SMURF1: variants seen among roughly 807,000 people sequenced by gnomAD.
SMURF1 encodes the protein E3 ubiquitin-protein ligase SMURF1.
In SMURF1, 44 loss-of-function variants were observed where a neutral mutation model predicts 98.0. That is an observed-to-expected ratio of 0.45 (90% CI 0.35 to 0.58). The LOEUF is 0.58. Ranked by LOEUF, SMURF1 falls within the 20% of genes least tolerant of loss-of-function variation. SMURF1 has a pLI of 0.00. For missense variants in SMURF1, 687 were observed against 938.4 expected, an observed-to-expected ratio of 0.73 and a Z score of 3.50; for synonymous variants, 396 against 374.9, an observed-to-expected ratio of 1.06 and a Z score of -0.65.
intron 1 of SMURF1, among the ~76,000 whole-genome samples, chr7:99,105,297 G>A (rs1054816068): frequency 1.4e-4 from 21 of 152,138 alleles, no homozygotes; most frequent in African/African-American, 5.1e-4. Flanking sequence ...GCACTTACGA[G>A]CTTGAGATGC....
At chr7:99,064,546 A>G (rs1312240130) in intron 1 of SMURF1, among the ~76,000 whole-genome samples, 2 of 152,170 alleles carry the variant, frequency 1.3e-5, no homozygotes, top group Admixed American at 6.5e-5. Context: ...CTCACTTTTC[A>G]TAAGTCTATT....
intron 1 of SMURF1, among the ~76,000 whole-genome samples, chr7:99,108,066 GT>G (rs764847415): frequency 5.9e-5 from 9 of 152,130 alleles, no homozygotes; most frequent in Non-Finnish European, 1.0e-4. Flanking sequence ...TCCCTTGAAA[GT>G]ATGCAAAAAC....
At position 99,047,790 on chromosome 7, in the gene SMURF1, T is replaced by C; in HGVS notation, c.1046A>G (p.Glu349Gly). 6.2e-7 allele frequency: 1 copy of C among 1,614,202 alleles called. No homozygotes were observed. The highest frequency in any genetic ancestry group is 8.5e-7 in the Non-Finnish European group (1 of 1,180,038). The change falls in exon 10 of 18, where the codon GAA becomes GGA. Residue 349 changes from glutamate to glycine, a missense_variant. By Grantham distance (98) the Glu-to-Gly change is moderately conservative. This residue lies in a region of SMURF1 where 415 missense variants were observed against 508.4 expected (regional missense o/e 0.82). Transcript: ENST00000361368. ...EDEELPAQRY[E>G]RDLVQKLKVL... Reference sequence around the variant, plus strand: ...TTTCAGCTTCTGGACTAGATCTCTTTCGTATCTCTGGGCAGGAAGCTCCTC... The same window carrying C: ...TTTCAGCTTCTGGACTAGATCTCTTCCGTATCTCTGGGCAGGAAGCTCCTC...
chr7:99,127,651 T>C (rs1354278398), intron 1 of SMURF1, among the ~76,000 whole-genome samples: 1 of 152,254 alleles, frequency 6.6e-6, no homozygotes, highest in African/African-American at 2.4e-5. Context: ...CATATGTATG[T>C]ATTATCTACT....
At chr7:99,089,694 T>C (rs957647135) in intron 1 of SMURF1, among the ~76,000 whole-genome samples, 3 of 152,198 alleles carry the variant, frequency 2.0e-5, no homozygotes, top group African/African-American at 7.2e-5. Flanking sequence ...TTAGTGGTTT[T>C]GTCTTCAAAA....
chr7:99,067,043 T>C (rs1796212308), intron 1 of SMURF1, among the ~76,000 whole-genome samples: 1 of 150,072 alleles, frequency 6.7e-6, no homozygotes, highest in Non-Finnish European at 1.5e-5. Flanking sequence ...TCACCCAGAC[T>C]GGAGTGCAGT....
chr7:99,042,201 G>A lies in SMURF1; in HGVS notation c.1288C>T (p.Leu430=), dbSNP rs1238873550. Residue 430 remains leucine, a synonymous_variant, in exon 12 of 18, where the codon CTG becomes TTG. Coordinates refer to ENST00000361368, the MANE Select transcript of SMURF1 (RefSeq NM_181349.3). ...EWLYLLCHEM[L]NPYYGLFQYS... ...TGGAAGAGCCCGTAATAAGGATTCAGCATTTCATGGCACAGCAAGTAAAGC... is the reference window on the plus strand; with the variant it reads ...TGGAAGAGCCCGTAATAAGGATTCAACATTTCATGGCACAGCAAGTAAAGC... 3 of 1,613,842 alleles carry A rather than the reference G, an allele frequency of 1.9e-6. No individual in the cohort carries two copies. The highest frequency in any genetic ancestry group is 2.5e-6 in the Non-Finnish European group (3 of 1,179,908).
At chr7:99,137,948 T>C (rs1798031669) in intron 1 of SMURF1, among the ~76,000 whole-genome samples, 2 of 152,226 alleles carry the variant, frequency 1.3e-5, no homozygotes, top group Admixed American at 6.5e-5. Flanking sequence ...TTTTGTTTTT[T>C]AAACATAGCT....
intron 10 of SMURF1, 169 bp downstream of exon 10, chr7:99,047,515 C>T: frequency 1.5e-6 from 1 of 674,426 alleles, no homozygotes; most frequent in South Asian, 1.9e-5. Context: ...GTAATAAAAT[C>T]AATACCTCAA....
At chr7:99,088,303 A>G (rs535126115) in intron 1 of SMURF1, among the ~76,000 whole-genome samples, 16 of 151,376 alleles carry the variant, frequency 1.1e-4, no homozygotes, top group African/African-American at 2.7e-4. Flanking sequence ...CCTTGGATCG[A>G]ACTACTGACG....
intron 13 of SMURF1, 88 bp downstream of exon 13, chr7:99,040,290 C>T (rs1267799002): frequency 1.6e-6 from 2 of 1,254,324 alleles, no homozygotes; most frequent in Non-Finnish European, 2.1e-6. Context: ...AAAATACACA[C>T]ACACGCGCGC....
At chr7:99,072,577 AGGC>A in intron 1 of SMURF1, among the ~76,000 whole-genome samples, 1 of 152,330 alleles carries the variant, frequency 6.6e-6, no homozygotes, top group African/African-American at 2.4e-5. Context: ...TGGGGGACGA[AGGC>A]TGCAGTGAGC....
chr7:99,088,351 G>A (rs1361245761), intron 1 of SMURF1, among the ~76,000 whole-genome samples: 1 of 151,612 alleles, frequency 6.6e-6, no homozygotes, highest in Non-Finnish European at 1.5e-5. Context: ...TTTTTTAAGT[G>A]CTCCTTTGCT....
At position 99,030,657 on chromosome 7, in the gene SMURF1, T is replaced by C; in HGVS notation, c.2123A>G (p.Tyr708Cys). The change falls in exon 18 of 18, where the codon TAT becomes TGT. Residue 708 changes from tyrosine (Y) to cysteine (C), a missense_variant. Around this residue, in one of 2 missense-constraint regions of SMURF1, gnomAD observed 272 missense variants for 430.0 expected, o/e 0.63. Coordinates refer to ENST00000361368, the MANE Select transcript of SMURF1 (RefSeq NM_181349.3). ...TCFNRIDIPP[Y>C]ESYEKLYEKL... Reference sequence around the variant, plus strand: ...CTCGTAGAGCTTCTCATAGGACTCATATGGTGGAATGTCGATCCGGTTAAA... The same window carrying C: ...CTCGTAGAGCTTCTCATAGGACTCACATGGTGGAATGTCGATCCGGTTAAA... 1 of 1,613,882 alleles carries C rather than the reference T, an allele frequency of 6.2e-7. No homozygotes were observed. The highest frequency in any genetic ancestry group is 8.5e-7 in the Non-Finnish European group (1 of 1,179,924).
intron 1 of SMURF1, among the ~76,000 whole-genome samples, chr7:99,104,377 C>T (rs1203192807): frequency 7.9e-5 from 12 of 152,168 alleles, no homozygotes; most frequent in Admixed American, 7.2e-4. Flanking sequence ...CCTCTAGAGC[C>T]TTTCTGTCTT....
intron 1 of SMURF1, 36 bp downstream of exon 1, chr7:99,143,690 G>A (rs776885899): frequency 2.0e-6 from 3 of 1,529,816 alleles, no homozygotes; most frequent in South Asian, 1.2e-5. Context: ...GGGCGAGGGG[G>A]CGCCGGGGCG....
chr7:99,028,199 C>G lies in SMURF1; in HGVS notation c.*2385G>C, dbSNP rs1422159182. The G allele has an allele frequency of 6.6e-6, 1 of 152,478 alleles. No homozygotes were observed. Among genetic ancestry groups the G allele is most frequent in the Non-Finnish European group, 1.5e-5 (1 of 68,100 alleles). The allele number at this position is 152,478 out of a possible 1,614,324, so 9.4% of individuals were successfully genotyped here. On this transcript the variant is annotated 3_prime_UTR_variant, in exon 18 of 18. Transcript: ENST00000361368. ...GGCTTCGCGCGGACCCAAAGTAGAA[C>G]AGTCGGGAAGCTTTTACCATTTGCT...
intron 1 of SMURF1, among the ~76,000 whole-genome samples, chr7:99,140,355 C>G (rs1334689658): frequency 7.3e-6 from 1 of 137,434 alleles, no homozygotes; most frequent in Non-Finnish European, 1.5e-5. Flanking sequence ...GGCACAATCT[C>G]GGTTCACTGC....
At chr7:99,048,180 G>C (rs1019674375) in intron 9 of SMURF1, 2 of 358,636 alleles carry the variant, frequency 5.6e-6, no homozygotes, top group African/African-American at 4.2e-5. Flanking sequence ...CTGAGGTCAG[G>C]AGTTCGAGAC....
Sources: gnomAD v4.1 joint callset for allele counts (sites outside exome capture counted in the v4.1 genomes callset) on GRCh38, gnomAD v4.1.1 for gene constraint, gnomAD v4.1.1 regional missense constraint, MANE v1.5 for transcripts, NCBI Gene and HGNC (gene_info 2026-07-23, HGNC 2026-07-21) for gene names.